ENKUR: variants seen among roughly 807,000 people sequenced by gnomAD.
ENKUR encodes enkurin.
In ENKUR, 19 loss-of-function variants were observed where a neutral mutation model predicts 27.6. The observed-to-expected ratio is 0.69, with a 90% CI of 0.48 to 1.01. ENKUR has a LOEUF of 1.01. ENKUR is among the 50% of genes least tolerant of loss of function. The pLI is 0.00. For synonymous variants in ENKUR, 117 were observed against 96.9 expected, an observed-to-expected ratio of 1.21 and a Z score of -1.22; for missense variants, 312 against 310.5, an observed-to-expected ratio of 1.00 and a Z score of -0.04.
intron 2 of ENKUR, among the ~76,000 whole-genome samples, chr10:25,040,271 TAGA>T (rs1261959817): frequency 6.6e-6 from 1 of 151,872 alleles, no homozygotes; most frequent in African/African-American, 2.4e-5. Context: ...CACTCCTTGA[TAGA>T]AGGAGTGGTG....
chr10:24,988,804 A>C (rs757055151), intron 4 of ENKUR, among the ~76,000 whole-genome samples: 4 of 150,602 alleles, frequency 2.7e-5, no homozygotes, highest in Non-Finnish European at 3.0e-5. Flanking sequence ...CTGTTATTTT[A>C]TGAAGAATGA....
At chr10:25,033,401 C>CA (rs34472195) in intron 2 of ENKUR, among the ~76,000 whole-genome samples, 1,297 of 59,930 alleles carry the variant, frequency 0.022, 138 homozygotes, top group African/African-American at 0.059. Flanking sequence ...AAGACCTCGT[C>CA]AAAAAAAAAA....
intron 2 of ENKUR, among the ~76,000 whole-genome samples, chr10:25,059,898 A>G (rs762980734): frequency 2.0e-5 from 3 of 151,882 alleles, no homozygotes; most frequent in Non-Finnish European, 2.9e-5. Flanking sequence ...TGGTATTGAC[A>G]TAAGGAGAGG....
intron 2 of ENKUR, among the ~76,000 whole-genome samples, chr10:25,037,663 G>T (rs1369545835): frequency 6.6e-6 from 1 of 151,890 alleles, no homozygotes; most frequent in South Asian, 2.1e-4. Flanking sequence ...AAGCTGTTTT[G>T]CTCTTCTTTC....
chr10:25,030,758 C>T (rs542400505), intron 2 of ENKUR, among the ~76,000 whole-genome samples: 81 of 152,272 alleles, frequency 5.3e-4, no homozygotes, highest in African/African-American at 1.9e-3. Context: ...CTTTCTTTCT[C>T]AAACTCCTAT....
At chr10:25,049,695 G>A (rs2130483833) in intron 2 of ENKUR, among the ~76,000 whole-genome samples, 1 of 150,840 alleles carries the variant, frequency 6.6e-6, no homozygotes, top group Non-Finnish European at 1.5e-5. Flanking sequence ...GGCCAAGGCA[G>A]GAGAATCACT....
chr10:25,029,875 T>C (rs1014204663), intron 2 of ENKUR, among the ~76,000 whole-genome samples: 1 of 152,240 alleles, frequency 6.6e-6, no homozygotes, highest in African/African-American at 2.4e-5. Context: ...TTTGATCAGC[T>C]GGCAATATTT....
At chr10:24,998,889 C>G (rs1850124430) in intron 2 of ENKUR, among the ~76,000 whole-genome samples, 1 of 152,182 alleles carries the variant, frequency 6.6e-6, no homozygotes, top group Admixed American at 6.5e-5. Context: ...ACCACTTATT[C>G]ATGAAGTCTC....
chr10:24,998,219 C>A (rs1168416277), intron 2 of ENKUR, among the ~76,000 whole-genome samples: 1 of 152,094 alleles, frequency 6.6e-6, no homozygotes, highest in East Asian at 1.9e-4. Context: ...GCATTATTTC[C>A]TCAATGCCAG....
rs140156986 is a variant in ENKUR, at chr10:24,990,601, A to T, written c.456T>A (p.Gly152=). 2.0e-5 allele frequency: 32 copies of T among 1,594,800 alleles called. No homozygotes were observed. In the African/African-American group the frequency reaches 4.1e-4, roughly 20 times the overall value. Residue 152 remains glycine (G), a synonymous_variant, in exon 4 of 6, where the codon GGT becomes GGA. Transcript: ENST00000331161. The part of the protein sequence containing the change: ...VPKYINKKDY[G]VTPEYICKRN... ...GCTTACATATGTATTCAGGTGTGACACCATAATCCTAAAAAGATTTTGCAG... is the reference window on the plus strand; with the variant it reads ...GCTTACATATGTATTCAGGTGTGACTCCATAATCCTAAAAAGATTTTGCAG...
Position 24,995,552 on chromosome 10 carries a change from A to G in ENKUR, c.447+94T>C, listed in dbSNP as rs149097229. 1.6e-4 allele frequency: 178 copies of G among 1,102,320 alleles called. 1 individual carries two copies. In the African/African-American group the frequency reaches 2.4e-3, roughly 15 times the overall value. 68.3% of individuals were successfully genotyped at this position (1,102,320 alleles called of 1,614,324 possible). A position where few individuals can be genotyped will look rare whatever the true frequency, so the allele number is the denominator to read the frequency against. On this transcript the variant is annotated intron_variant, in intron 3 of 5. Transcript: ENST00000331161. ...AGCAAAGTAGACAATGTGTCCAATG[A>G]GAGCACTAATAATGATAACATAGAT...
chr10:25,003,116 T>G (rs1298902976), intron 1 of ENKUR, among the ~76,000 whole-genome samples: 1 of 152,158 alleles, frequency 6.6e-6, no homozygotes, highest in East Asian at 1.9e-4. Flanking sequence ...CTCCTCCATC[T>G]CTCCAATAAA....
intron 1 of ENKUR, among the ~76,000 whole-genome samples, chr10:25,015,640 T>C (rs1041188142): frequency 3.3e-5 from 5 of 152,216 alleles, no homozygotes; most frequent in Admixed American, 2.0e-4. Context: ...TATAATAAAA[T>C]GGTCATCTCA....
intron 1 of ENKUR, 126 bp from the exon 2 acceptor site, chr10:24,999,672 A>G: frequency 2.3e-6 from 2 of 879,594 alleles, no homozygotes; most frequent in Non-Finnish European, 3.4e-6. Context: ...AAGCATAATC[A>G]TAAAACATAC....
chr10:24,988,664 G>GTATATATA (rs66687937), intron 4 of ENKUR, among the ~76,000 whole-genome samples: 1 of 98,846 alleles, frequency 1.0e-5, no homozygotes. Context: ...CACAGCATAT[G>GTATATATA]TATATATATA....
At chr10:24,984,552 C>T in intron 5 of ENKUR, 176 bp from the exon 6 acceptor site, 1 of 1,077,180 alleles carries the variant, frequency 9.3e-7, no homozygotes, top group Non-Finnish European at 1.3e-6. Flanking sequence ...CTAGTAAAAA[C>T]AAAATTTCTT....
chr10:24,994,920 G>C (rs1850012369), intron 3 of ENKUR, among the ~76,000 whole-genome samples: 2 of 152,010 alleles, frequency 1.3e-5, no homozygotes. Context: ...TACTTGGGAG[G>C]CTGAGTGAGG....
At chr10:25,014,632 A>T (rs1329322949) in intron 1 of ENKUR, among the ~76,000 whole-genome samples, 1 of 152,182 alleles carries the variant, frequency 6.6e-6, no homozygotes, top group Non-Finnish European at 1.5e-5. Flanking sequence ...ACAATCTACC[A>T]ATCTGTTATA....
chr10:25,005,824 T>C (rs913210613), intron 1 of ENKUR, among the ~76,000 whole-genome samples: 2 of 152,214 alleles, frequency 1.3e-5, no homozygotes, highest in African/African-American at 2.4e-5. Flanking sequence ...ATGATGATCT[T>C]AGTGCTGCTC....
Sources: allele counts gnomAD v4.1 joint callset (sites outside exome capture counted in the v4.1 genomes callset), GRCh38; gene constraint gnomAD v4.1.1; transcripts MANE v1.5; gene names NCBI Gene and HGNC (gene_info 2026-07-23, HGNC 2026-07-21).